Variants in INPP4B observed in about 807,000 individuals in gnomAD.
The protein encoded by INPP4B is inositol polyphosphate 4-phosphatase type II.
INPP4B carries 55 observed loss-of-function variants against 122.5 expected under a neutral mutation model. The ratio of observed to expected loss-of-function variants is 0.45; its 90% CI spans 0.36 to 0.56. The LOEUF is 0.56. INPP4B is among the 20% of genes least tolerant of loss of function. The pLI is 0.00. For synonymous variants in INPP4B, 403 were observed against 388.7 expected (o/e 1.04, Z -0.43); for missense variants, 1,000 against 1,097.7 (o/e 0.91, Z 1.26).
chr4:142,605,281 T>C (rs6537114), intron 2 of INPP4B, among the ~76,000 whole-genome samples: 7,819 of 152,004 alleles, frequency 0.051, 670 homozygotes, highest in African/African-American at 0.18. Context: ...AAGACTTAAA[T>C]AGAAGACATG....
At chr4:142,589,218 C>T (rs1023452708) in intron 2 of INPP4B, among the ~76,000 whole-genome samples, 1 of 152,016 alleles carries the variant, frequency 6.6e-6, no homozygotes, top group African/African-American at 2.4e-5. Context: ...AAAAGCTATA[C>T]TCGATGTCCT....
rs539334240 is a variant in INPP4B at position 142,741,714 on chromosome 4, A to C, written c.-253-15813T>G. The stretch of plus-strand genomic sequence containing the variant: ...CTTAATAAACTGAAAAATACATTTG[A>C]ATCATTACATAAAACAAAGACAGAA... On this transcript the variant is annotated intron_variant, in intron 1 of 25. Coordinates refer to ENST00000262992, the MANE Select transcript of INPP4B (RefSeq NM_001101669.3). Among the ~76,000 whole-genome samples, 3 of 152,094 alleles carry C rather than the reference A, an allele frequency of 2.0e-5. No homozygotes were observed. The South Asian group carries it at 6.2e-4, about 32-fold the overall frequency.
chr4:142,331,683 A>C (rs950935899), intron 7 of INPP4B, among the ~76,000 whole-genome samples: 1 of 152,222 alleles, frequency 6.6e-6, no homozygotes, highest in Non-Finnish European at 1.5e-5. Context: ...AAACCAATGG[A>C]AACTTTGGCC....
At chr4:142,131,232 C>G (rs887671656) in intron 18 of INPP4B, among the ~76,000 whole-genome samples, 1 of 152,118 alleles carries the variant, frequency 6.6e-6, no homozygotes, top group Admixed American at 6.6e-5. Flanking sequence ...CTTTGAGCAA[C>G]CTGAAATTAT....
chr4:142,267,439 AG>A (rs1441432697), intron 10 of INPP4B, among the ~76,000 whole-genome samples: 1 of 152,230 alleles, frequency 6.6e-6, no homozygotes, highest in African/African-American at 2.4e-5. Flanking sequence ...TTTTCAACAA[AG>A]GTACCAAAAA....
chr4:142,836,259 C>A (rs953990474), intron 1 of INPP4B, among the ~76,000 whole-genome samples: 14 of 152,028 alleles, frequency 9.2e-5, no homozygotes, highest in African/African-American at 3.4e-4. Context: ...GTGAGAATGT[C>A]TTAAAAGGGG....
rs114867268 is a variant in INPP4B, at chr4:142,604,724, G to A, written c.-191+121115C>T. Among the ~76,000 whole-genome samples the A allele has an allele frequency of 2.0e-3, 308 of 151,926 alleles. 2 individuals carry two copies. Among genetic ancestry groups the A allele is most frequent in the African/African-American group, 6.6e-3 (273 of 41,494 alleles). On this transcript the variant is annotated intron_variant, in intron 2 of 25. Transcript: ENST00000262992. The stretch of plus-strand genomic sequence containing the variant: ...ACTGATGAAAGAAATTGAAGCGAAC[G>A]TAAACAAATAGAAAGACATCCCATG...
intron 1 of INPP4B, among the ~76,000 whole-genome samples, chr4:142,844,261 A>C (rs1783915884): frequency 1.3e-5 from 2 of 152,218 alleles, no homozygotes; most frequent in Non-Finnish European, 2.9e-5. Flanking sequence ...AAATATGCAC[A>C]TCATAGTGAT....
At chr4:142,142,298 A>G (rs1456570356) in intron 18 of INPP4B, among the ~76,000 whole-genome samples, 1 of 152,182 alleles carries the variant, frequency 6.6e-6, no homozygotes, top group Non-Finnish European at 1.5e-5. Flanking sequence ...ACAAGAAATT[A>G]CAATATGATA....
At chr4:142,816,658 A>T (rs10006336) in intron 1 of INPP4B, among the ~76,000 whole-genome samples, 2,198 of 152,250 alleles carry the variant, frequency 0.014, 65 homozygotes, top group African/African-American at 0.05. Flanking sequence ...ATGCGTATGC[A>T]TACAGAAATA....
chr4:142,324,062 T>C (rs1421392571), intron 7 of INPP4B, among the ~76,000 whole-genome samples: 1 of 151,948 alleles, frequency 6.6e-6, no homozygotes, highest in Non-Finnish European at 1.5e-5. Context: ...TGGGTTAGGG[T>C]GCTAATCCAA....
At chr4:142,553,874 C>T (rs1204132190) in intron 2 of INPP4B, among the ~76,000 whole-genome samples, 5 of 152,172 alleles carry the variant, frequency 3.3e-5, no homozygotes, top group Non-Finnish European at 7.4e-5. Flanking sequence ...ATGGCTGCAC[C>T]GTCAGTCTTA....
intron 12 of INPP4B, among the ~76,000 whole-genome samples, chr4:142,223,214 A>T (rs1850139098): frequency 6.6e-6 from 1 of 151,242 alleles, no homozygotes; most frequent in Admixed American, 6.6e-5. Flanking sequence ...ACACACACAC[A>T]CTCACACACA....
In INPP4B at chr4:142,123,328, A is replaced by G; in HGVS notation, c.1981T>C (p.Leu661=). The G allele has an allele frequency of 1.2e-6, 2 of 1,612,962 alleles. No individual in the cohort carries two copies. The highest frequency in any genetic ancestry group is 1.1e-5 in the South Asian group (1 of 91,036). ...GFLQQLHTVG[L]IVQYEGLLST... ...AGCAGTCCTTCATATTGTACTATCAACCCCACTGTGTGAAGCTGCTGTAGG... is the reference window on the plus strand; with the variant it reads ...AGCAGTCCTTCATATTGTACTATCAGCCCCACTGTGTGAAGCTGCTGTAGG... The change falls in exon 20 of 26, where the codon TTG becomes CTG. Residue 661 remains leucine (L), a synonymous_variant. Coordinates refer to ENST00000262992, the MANE Select transcript of INPP4B (RefSeq NM_001101669.3).
At chr4:142,224,936 T>C (rs1471945684) in intron 12 of INPP4B, among the ~76,000 whole-genome samples, 2 of 152,178 alleles carry the variant, frequency 1.3e-5, no homozygotes, top group Non-Finnish European at 2.9e-5. Context: ...AACTCGACTG[T>C]GTTTTTTATA....
At chr4:142,198,594 C>T (rs964380873) in intron 14 of INPP4B, among the ~76,000 whole-genome samples, 8 of 151,510 alleles carry the variant, frequency 5.3e-5, no homozygotes, top group African/African-American at 1.7e-4. Context: ...TCTTTCCACT[C>T]TGTTCATTTT....
chr4:142,075,159 T>A (rs1434903421), intron 25 of INPP4B, among the ~76,000 whole-genome samples: 10 of 152,062 alleles, frequency 6.6e-5, no homozygotes, highest in Non-Finnish European at 1.5e-4. Flanking sequence ...TCTCCATTTG[T>A]ATAGCATGGT....
At chr4:142,624,000 GC>G (rs1284350178) in intron 2 of INPP4B, among the ~76,000 whole-genome samples, 1 of 152,054 alleles carries the variant, frequency 6.6e-6, no homozygotes, top group African/African-American at 2.4e-5. Context: ...CCAAGTCTTT[GC>G]TATCGTGAAT....
chr4:142,593,312 C>A (rs183755828), intron 2 of INPP4B, among the ~76,000 whole-genome samples: 64 of 151,820 alleles, frequency 4.2e-4, no homozygotes, highest in African/African-American at 1.4e-3. Context: ...CTGCAACTGA[C>A]CTCCTCACCC....
Sources: allele counts gnomAD v4.1 joint callset (sites outside exome capture counted in the v4.1 genomes callset), GRCh38; gene constraint gnomAD v4.1.1; transcripts MANE v1.5; gene names NCBI Gene and HGNC (gene_info 2026-07-23, HGNC 2026-07-21).